Variants in VAV2 observed in about 807,000 individuals in gnomAD.
The protein encoded by VAV2 is guanine nucleotide exchange factor VAV2.
A neutral mutation model predicts 132.5 loss-of-function variants in VAV2; 67 were observed. The observed-to-expected ratio is 0.51, with a 90% CI of 0.42 to 0.62. The LOEUF is 0.62. Among genes scored for constraint, VAV2 ranks in the 20% least tolerant of loss-of-function variants. The probability of loss-of-function intolerance (pLI) is 0.00; values close to 1 mark genes in which losing one functional copy is unlikely to be tolerated. For synonymous variants in VAV2, 492 were observed against 443.5 expected, an observed-to-expected ratio of 1.11 and a Z score of -1.37; for missense variants, 938 against 1,153.6, an observed-to-expected ratio of 0.81 and a Z score of 2.71.
chr9:133,866,587 C>A (rs1484981373), intron 2 of VAV2, among the ~76,000 whole-genome samples: 3 of 152,038 alleles, frequency 2.0e-5, no homozygotes, highest in Non-Finnish European at 4.4e-5. Context: ...GCAGATCACT[C>A]GAGGTCAGGA....
rs1459746515 is a variant in VAV2, at chr9:133,918,755, A to ATG, written c.321+20346_321+20347dup. ...CTAAGCCTCCCAAGAAGCAGCCGCC[A>ATG]TGTGTGTGTGTGTGTTTGTTTGTTT... On this transcript the variant is annotated intron_variant, in intron 2 of 29. Coordinates refer to ENST00000371850, the MANE Select transcript of VAV2 (RefSeq NM_001134398.2). This position sits in a 1 kb window ranked among gnomAD's most constrained non-coding sequence, Gnocchi z 4.7. Among the ~76,000 whole-genome samples the ATG allele has an allele frequency of 6.8e-5, 8 of 117,550 alleles. No individual in the cohort carries two copies. The highest frequency in any genetic ancestry group is 1.3e-4 in the African/African-American group (2 of 15,354). 77.1% of individuals were successfully genotyped at this position (117,550 alleles called of 152,430 possible). A position where few individuals can be genotyped will look rare whatever the true frequency, so the allele number is the denominator to read the frequency against.
chr9:133,889,440 T>A (rs2131965530), intron 2 of VAV2, among the ~76,000 whole-genome samples: 1 of 152,200 alleles, frequency 6.6e-6, no homozygotes, highest in Middle Eastern at 3.4e-3. Context: ...CACAGTGATC[T>A]GCGGTCCTCG....
intron 3 of VAV2, among the ~76,000 whole-genome samples, chr9:133,837,085 G>A (rs376523786): frequency 5.9e-5 from 9 of 152,204 alleles, no homozygotes; most frequent in Non-Finnish European, 1.2e-4. Context: ...TGTGACTTTG[G>A]ACAACCTACT....
intron 1 of VAV2, among the ~76,000 whole-genome samples, chr9:133,941,486 T>C (rs113032218): frequency 0.014 from 2,060 of 152,264 alleles, 54 homozygotes; most frequent in African/African-American, 0.048. Flanking sequence ...TACATGTGGC[T>C]AGTAACTGCT....
intron 1 of VAV2, among the ~76,000 whole-genome samples, chr9:133,980,389 G>T (rs559041995): frequency 6.6e-6 from 1 of 152,312 alleles, no homozygotes; most frequent in Non-Finnish European, 1.5e-5. Flanking sequence ...AGGACCAGGG[G>T]AGGTGCCAGT....
rs563280737 is a variant in VAV2, at chr9:133,833,299, C to G, written c.449+973G>C. On this transcript the variant is annotated intron_variant, in intron 4 of 29. Coordinates refer to ENST00000371850, the MANE Select transcript of VAV2 (RefSeq NM_001134398.2). This position sits in a 1 kb window ranked among gnomAD's most constrained non-coding sequence, Gnocchi z 5.6. ...GGCTGAGCAGTAAGACAGGGACAGC[C>G]CCAGCATACACAGCAGGCACTCCCA... 3.5e-4 allele frequency among the ~76,000 whole-genome samples: 54 copies of G among 152,274 alleles called. No homozygotes were observed. Among genetic ancestry groups the G allele is most frequent in the Admixed American group, 1.6e-3 (25 of 15,300 alleles).
At chr9:133,974,554 G>A (rs988129571) in intron 1 of VAV2, among the ~76,000 whole-genome samples, 2 of 152,160 alleles carry the variant, frequency 1.3e-5, no homozygotes, top group Non-Finnish European at 2.9e-5. Flanking sequence ...GACGGGGAGT[G>A]CACCACCTTC....
chr9:133,908,784 G>A (rs1839769854), intron 2 of VAV2, among the ~76,000 whole-genome samples: 2 of 152,240 alleles, frequency 1.3e-5, no homozygotes, highest in African/African-American at 4.8e-5. Context: ...CAGGTGCCAG[G>A]AGCAGGCCCC....
In VAV2 at chr9:133,791,935, G is replaced by T. The variant is rs1279938046; in HGVS notation, c.1102-66C>A. On this transcript the variant is annotated intron_variant, in intron 12 of 29. Transcript: ENST00000371850. The stretch of plus-strand genomic sequence containing the variant: ...GGGGTGTGTGTGACTGTGTGTGTAA[G>T]CAGGCTGTACTGGGTGGGGTGTGTG... 1.9e-5 allele frequency: 24 copies of T among 1,288,878 alleles called. No individual in the cohort carries two copies. The Middle Eastern group carries it at 7.3e-4, about 39-fold the overall frequency. The allele number at this position is 1,288,878 out of a possible 1,614,324, so 79.8% of individuals were successfully genotyped here. A position where few individuals can be genotyped will look rare whatever the true frequency, so the allele number is the denominator to read the frequency against.
rs112505612 is a variant in VAV2 at position 133,787,638 on chromosome 9, G to T, written c.1408-378C>A. Among the ~76,000 whole-genome samples, 1,239 of 127,224 alleles carry T rather than the reference G, an allele frequency of 9.7e-3. 15 individuals carry two copies. Among genetic ancestry groups the T allele is most frequent in the African/African-American group, 0.036 (1,159 of 32,494 alleles). 83.5% of individuals were successfully genotyped at this position (127,224 alleles called of 152,430 possible). ...CCCCCACCCCACCAGGGCTGCACAC[G>T]GTAGCTGCTCAAGTGCCATGGGCAG... On this transcript the variant is annotated intron_variant, in intron 15 of 29. Coordinates refer to ENST00000371850, the MANE Select transcript of VAV2 (RefSeq NM_001134398.2).
chr9:133,987,904 CA>C (rs1036357043), intron 1 of VAV2, among the ~76,000 whole-genome samples: 22 of 152,206 alleles, frequency 1.4e-4, no homozygotes. Context: ...AAGAAATGAC[CA>C]GGTGGGCAAC....
intron 9 of VAV2, among the ~76,000 whole-genome samples, chr9:133,800,697 T>G (rs1023236980): frequency 6.6e-6 from 1 of 152,138 alleles, no homozygotes; most frequent in Non-Finnish European, 1.5e-5. Flanking sequence ...CTTTGTGAGC[T>G]CCGCCTTTCA....
chr9:133,826,898 G>C lies in VAV2; in HGVS notation c.449+7374C>G, dbSNP rs1169756927. Among the ~76,000 whole-genome samples, 2 of 152,138 alleles carry C rather than the reference G, an allele frequency of 1.3e-5. No homozygotes were observed. The highest frequency in any genetic ancestry group is 2.9e-5 in the Non-Finnish European group (2 of 68,026). ...CAGGCAAGGGCAACCCTGCCACAGC[G>C]GCACCAGTGTCCTCGCAAGACGCAC... is the stretch of plus-strand genomic sequence containing the variant. On this transcript the variant is annotated intron_variant, in intron 4 of 29. Transcript: ENST00000371850. This position sits in a 1 kb window ranked among gnomAD's most constrained non-coding sequence, Gnocchi z 4.2.
chr9:133,818,946 T>C (rs1167846370), intron 4 of VAV2, among the ~76,000 whole-genome samples: 1 of 151,972 alleles, frequency 6.6e-6, no homozygotes, highest in African/African-American at 2.4e-5. Flanking sequence ...GGTTTCACCA[T>C]ATTGGCCAGG....
chr9:133,812,335 G>T, intron 4 of VAV2, 119 bp from the exon 5 acceptor site: 2 of 901,298 alleles, frequency 2.2e-6, no homozygotes, highest in Non-Finnish European at 1.7e-6. Flanking sequence ...GAGGTCACCT[G>T]CCCGGGCCTC....
intron 1 of VAV2, among the ~76,000 whole-genome samples, chr9:133,988,230 C>T (rs1483628574): frequency 6.7e-6 from 1 of 149,534 alleles, no homozygotes; most frequent in East Asian, 2.0e-4. Context: ...CAGGCACCCA[C>T]CCCCCACCCC....
chr9:133,820,317 C>A (rs1461593959), intron 4 of VAV2, among the ~76,000 whole-genome samples: 2 of 148,252 alleles, frequency 1.3e-5, no homozygotes, highest in South Asian at 2.1e-4. Context: ...AAACAAGTTT[C>A]TTTTTCTTTT....
intron 2 of VAV2, among the ~76,000 whole-genome samples, chr9:133,866,692 G>A (rs533709218): frequency 3.9e-5 from 6 of 151,986 alleles, no homozygotes; most frequent in Non-Finnish European, 8.8e-5. Context: ...TGTAGTTCCA[G>A]CTACCTGGGA....
chr9:133,904,004 T>C (rs1049864811), intron 2 of VAV2, among the ~76,000 whole-genome samples: 2 of 152,282 alleles, frequency 1.3e-5, no homozygotes, highest in East Asian at 1.9e-4. Flanking sequence ...CTACTTCATC[T>C]ATCCCTAAAA....
Sources: allele counts gnomAD v4.1 joint callset (sites outside exome capture counted in the v4.1 genomes callset), GRCh38; gene constraint gnomAD v4.1.1; non-coding constraint Gnocchi (gnomAD v3.1); transcripts MANE v1.5; gene names NCBI Gene and HGNC (gene_info 2026-07-23, HGNC 2026-07-21).